Variants in NRG3 observed in about 807,000 individuals in gnomAD.
NRG3 encodes the protein neuregulin 3.
In NRG3, 31 loss-of-function variants were observed where a neutral mutation model predicts 66.9. That is an observed-to-expected ratio of 0.46 (90% CI 0.35 to 0.63). The LOEUF (loss-of-function observed/expected upper bound fraction) is 0.63, where lower values mean the gene tolerates loss of function less well. NRG3 is among the 20% of genes least tolerant of loss of function. The probability of loss-of-function intolerance (pLI) is 0.00; values close to 1 mark genes in which losing one functional copy is unlikely to be tolerated. For missense variants in NRG3, 910 were observed against 878.9 expected, an observed-to-expected ratio of 1.04 and a Z score of -0.45; for synonymous variants, 393 against 359.4, an observed-to-expected ratio of 1.09 and a Z score of -1.06.
chr10:82,178,821 A>G (rs1245082053), intron 1 of NRG3, among the ~76,000 whole-genome samples: 2 of 152,106 alleles, frequency 1.3e-5, no homozygotes, highest in Admixed American at 1.3e-4. Flanking sequence ...CATCTGCACC[A>G]TTTTAGGTAT....
intron 4 of NRG3, among the ~76,000 whole-genome samples, chr10:82,896,826 A>C (rs1843703981): frequency 6.6e-6 from 1 of 152,228 alleles, no homozygotes; most frequent in South Asian, 2.1e-4. Flanking sequence ...GGACTAGTTG[A>C]AATGTCTGTC....
chr10:82,302,824 T>C (rs1239054296), intron 1 of NRG3, among the ~76,000 whole-genome samples: 1 of 152,204 alleles, frequency 6.6e-6, no homozygotes, highest in Non-Finnish European at 1.5e-5. Flanking sequence ...CCTTAAGATA[T>C]TGGACTTGTA....
chr10:82,180,079 T>A (rs2073309881), intron 1 of NRG3, among the ~76,000 whole-genome samples: 1 of 151,958 alleles, frequency 6.6e-6, no homozygotes, highest in Non-Finnish European at 1.5e-5. Context: ...TTTTTGCATG[T>A]TGATTTTATA....
intron 2 of NRG3, among the ~76,000 whole-genome samples, chr10:82,617,859 ATGTGC>A (rs2048769767): frequency 6.6e-6 from 1 of 152,128 alleles, no homozygotes; most frequent in African/African-American, 2.4e-5. Context: ...AATGCGTCTA[ATGTGC>A]TGTGAAGATT....
intron 1 of NRG3, among the ~76,000 whole-genome samples, chr10:82,007,837 A>G (rs2061431189): frequency 6.6e-6 from 1 of 152,176 alleles, no homozygotes; most frequent in South Asian, 2.1e-4. Context: ...ATCGTGAATG[A>G]CAATTGACAT....
intron 4 of NRG3, among the ~76,000 whole-genome samples, chr10:82,890,300 C>T (rs1488635223): frequency 6.6e-6 from 1 of 151,938 alleles, no homozygotes; most frequent in Non-Finnish European, 1.5e-5. Flanking sequence ...AGGAAAAGAA[C>T]GGTGCTGATT....
At chr10:82,604,569 C>T (rs1399179544) in intron 2 of NRG3, among the ~76,000 whole-genome samples, 1 of 152,046 alleles carries the variant, frequency 6.6e-6, no homozygotes, top group Non-Finnish European at 1.5e-5. Context: ...ATGTTTGGAT[C>T]ACACTGACAC....
intron 2 of NRG3, among the ~76,000 whole-genome samples, chr10:82,666,506 C>A (rs1334076520): frequency 6.6e-6 from 1 of 152,182 alleles, no homozygotes; most frequent in African/African-American, 2.4e-5. Context: ...ACTACTCTTT[C>A]CCTTATTTGC....
At chr10:82,954,681 C>G (rs1437449295) in intron 5 of NRG3, among the ~76,000 whole-genome samples, 1 of 151,742 alleles carries the variant, frequency 6.6e-6, no homozygotes, top group Non-Finnish European at 1.5e-5. Flanking sequence ...TCTTCTAGTA[C>G]CATTTTCAGG....
At chr10:82,318,257 A>G (rs1753325165) in intron 1 of NRG3, among the ~76,000 whole-genome samples, 1 of 152,074 alleles carries the variant, frequency 6.6e-6, no homozygotes, top group Non-Finnish European at 1.5e-5. Context: ...TTAGGAACCA[A>G]AGGTGGAGGC....
chr10:82,686,361 T>G (rs2054514304), intron 2 of NRG3, among the ~76,000 whole-genome samples: 1 of 151,992 alleles, frequency 6.6e-6, no homozygotes, highest in Admixed American at 6.6e-5. Context: ...CTAATTTTTG[T>G]ATTTTTAGTA....
intron 1 of NRG3, among the ~76,000 whole-genome samples, chr10:81,943,483 A>G (rs955841273): frequency 9.2e-5 from 14 of 152,110 alleles, no homozygotes; most frequent in African/African-American, 3.1e-4. Context: ...ATCTCTTCCA[A>G]TTTCCGACTA....
chr10:82,677,775 T>C (rs2053822547), intron 2 of NRG3, among the ~76,000 whole-genome samples: 1 of 152,136 alleles, frequency 6.6e-6, no homozygotes, highest in Non-Finnish European at 1.5e-5. Flanking sequence ...AGAGCAAGAA[T>C]GAAAGGAAGT....
chr10:82,846,367 T>C (rs2063309091), intron 3 of NRG3, among the ~76,000 whole-genome samples: 1 of 152,196 alleles, frequency 6.6e-6, no homozygotes, highest in Non-Finnish European at 1.5e-5. Flanking sequence ...AATTTCAGCA[T>C]TCTGAAATTT....
intron 1 of NRG3, among the ~76,000 whole-genome samples, chr10:82,037,674 C>A (rs1163865587): frequency 6.6e-6 from 1 of 152,070 alleles, no homozygotes; most frequent in East Asian, 1.9e-4. Flanking sequence ...GGCCTTATTC[C>A]AACTTCAGGT....
intron 4 of NRG3, among the ~76,000 whole-genome samples, chr10:82,914,524 T>C (rs1169270784): frequency 6.6e-6 from 1 of 152,186 alleles, no homozygotes; most frequent in East Asian, 1.9e-4. Context: ...TCTGATGCCC[T>C]TGTTTTTGTC....
chr10:82,487,193 T>A (rs2132208228), intron 2 of NRG3, among the ~76,000 whole-genome samples: 1 of 151,346 alleles, frequency 6.6e-6, no homozygotes, highest in Non-Finnish European at 1.5e-5. Context: ...TATATTTTGC[T>A]TTGTTCTTGT....
At chr10:82,285,840 A>C (rs1462527392) in intron 1 of NRG3, among the ~76,000 whole-genome samples, 1 of 152,236 alleles carries the variant, frequency 6.6e-6, no homozygotes, top group African/African-American at 2.4e-5. Context: ...CACAAGTCAG[A>C]GCTGCCCTAC....
intron 1 of NRG3, among the ~76,000 whole-genome samples, chr10:82,139,977 A>C (rs1296303093): frequency 6.6e-6 from 1 of 152,136 alleles, no homozygotes; most frequent in Non-Finnish European, 1.5e-5. Flanking sequence ...TGTTTTAATA[A>C]GGTTTTCAGT....
Sources: gnomAD v4.1 joint callset for allele counts (sites outside exome capture counted in the v4.1 genomes callset) on GRCh38, gnomAD v4.1.1 for gene constraint, MANE v1.5 for transcripts, NCBI Gene and HGNC (gene_info 2026-07-23, HGNC 2026-07-21) for gene names.